Variants in GRM5 observed in about 807,000 individuals in gnomAD.
GRM5 encodes the protein glutamate metabotropic receptor 5, also known as metabotropic glutamate receptor 5.
Under a neutral mutation model 83.1 loss-of-function variants are expected in GRM5, and 19 were observed. The observed-to-expected ratio is 0.23, with a 90% CI of 0.16 to 0.34. GRM5 has a LOEUF of 0.34. Among genes scored for constraint, GRM5 ranks in the 10% least tolerant of loss-of-function variants. The pLI, the probability that GRM5 is intolerant of heterozygous loss-of-function variation, is 1.00. For synonymous variants in GRM5, 675 were observed against 633.6 expected, an observed-to-expected ratio of 1.07 and a Z score of -0.98; for missense variants, 1,160 against 1,588.3, an observed-to-expected ratio of 0.73 and a Z score of 4.58.
chr11:88,600,940 G>A (rs1371834064), intron 5 of GRM5, among the ~76,000 whole-genome samples: 2 of 152,198 alleles, frequency 1.3e-5, no homozygotes, highest in Non-Finnish European at 2.9e-5. Context: ...AATGATCTGT[G>A]CCTTTGGGGT....
At chr11:88,736,532 A>G (rs1272057804) in intron 3 of GRM5, among the ~76,000 whole-genome samples, 1 of 152,012 alleles carries the variant, frequency 6.6e-6, no homozygotes, top group Non-Finnish European at 1.5e-5. Context: ...TTCTCAACCA[A>G]CAAATGTCTC....
intron 3 of GRM5, among the ~76,000 whole-genome samples, chr11:88,737,010 G>T (rs1941928201): frequency 6.6e-6 from 1 of 152,024 alleles, no homozygotes; most frequent in South Asian, 2.1e-4. Flanking sequence ...AAACCAGTAA[G>T]TTATCTAAAC....
At chr11:88,603,866 G>A (rs1188263059) in intron 5 of GRM5, among the ~76,000 whole-genome samples, 4 of 152,186 alleles carry the variant, frequency 2.6e-5, no homozygotes, top group African/African-American at 4.8e-5. Context: ...AGAGTGTATA[G>A]ACAGTTTTCC....
At chr11:88,528,902 AG>A (rs1418657494) in intron 8 of GRM5, among the ~76,000 whole-genome samples, 1 of 152,090 alleles carries the variant, frequency 6.6e-6, no homozygotes, top group Non-Finnish European at 1.5e-5. Flanking sequence ...GTTTATGAGC[AG>A]GGAGCCCAAG....
At chr11:88,842,924 T>C (rs1236194966) in intron 3 of GRM5, among the ~76,000 whole-genome samples, 1 of 152,238 alleles carries the variant, frequency 6.6e-6, no homozygotes, top group Non-Finnish European at 1.5e-5. Context: ...GAACTCATGA[T>C]CTGCTCTTTA....
intron 3 of GRM5, among the ~76,000 whole-genome samples, chr11:88,715,664 A>T (rs1208467931): frequency 6.6e-6 from 1 of 152,040 alleles, no homozygotes; most frequent in African/African-American, 2.4e-5. Context: ...CTGACGGTGT[A>T]CTGTGATTTC....
At chr11:88,829,063 A>C (rs1943941927) in intron 3 of GRM5, among the ~76,000 whole-genome samples, 1 of 152,096 alleles carries the variant, frequency 6.6e-6, no homozygotes, top group South Asian at 2.1e-4. Context: ...ATTCTTAAAG[A>C]CCAACAATAT....
Position 88,508,972 on chromosome 11 carries a change from G to T in GRM5, c.3259C>A (p.Pro1087Thr). The change falls in exon 10 of 10, where the codon CCC (proline) becomes ACC (threonine). Residue 1087 changes from proline to threonine, a missense_variant. By Grantham distance (38) the Pro-to-Thr change is conservative (BLOSUM62 -1). Around this residue, in one of 9 missense-constraint regions of GRM5, gnomAD observed 562 missense variants for 532.4 expected, o/e 1.06. Coordinates refer to ENST00000305447, the MANE Select transcript of GRM5 (RefSeq NM_001143831.3). The surrounding 1 kb of genome is among the most constrained non-coding windows in gnomAD (Gnocchi z 4.2). ...GAGCAGAGCGGGGCGCCGACGCCGGGGCTGGGGGCCGCGGTGGACAGCATC... is the reference window on the plus strand; with the variant it reads ...GAGCAGAGCGGGGCGCCGACGCCGGTGCTGGGGGCCGCGGTGGACAGCATC... ...SMMLSTAAPSPGVGAPLCSSY... is the reference protein window; with the variant it reads ...SMMLSTAAPSTGVGAPLCSSY... 6.3e-7 allele frequency: 1 copy of T among 1,587,478 alleles called. No homozygotes were observed. Among genetic ancestry groups the T allele is most frequent in the Non-Finnish European group, 8.6e-7 (1 of 1,166,856 alleles).
At chr11:88,850,595 A>G (rs1416146118) in intron 2 of GRM5, among the ~76,000 whole-genome samples, 5 of 150,558 alleles carry the variant, frequency 3.3e-5, no homozygotes, top group Non-Finnish European at 5.9e-5. Context: ...TTTATATAGT[A>G]TAGATGTTGC....
rs74622962 is a variant in GRM5 at position 88,995,171 on chromosome 11, T to C, written c.661+52041A>G. 2.7e-4 allele frequency among the ~76,000 whole-genome samples: 41 copies of C among 152,234 alleles called. 1 individual carries two copies. The East Asian group carries it at 7.1e-3, about 27-fold the overall frequency. ...AGGAGAGAATAGGAGACAGTTATTATAGCATCCACATGTAACAAGATATGA... is the reference window on the plus strand; with the variant it reads ...AGGAGAGAATAGGAGACAGTTATTACAGCATCCACATGTAACAAGATATGA... On this transcript the variant is annotated intron_variant, in intron 2 of 9. Transcript: ENST00000305447.
chr11:88,850,955 C>A (rs188134597), intron 2 of GRM5, among the ~76,000 whole-genome samples: 2 of 152,168 alleles, frequency 1.3e-5, no homozygotes, highest in Admixed American at 1.3e-4. Flanking sequence ...TTAGCACTCA[C>A]AATAAAATAT....
Position 89,031,534 on chromosome 11 carries a change from C to T in GRM5, c.661+15678G>A, listed in dbSNP as rs1941263345. ...ATTATAATGCCACGAATAACAATGT[C>T]CATAAAAAGTATGAATAACAAGAGA... On this transcript the variant is annotated intron_variant, in intron 2 of 9. Coordinates refer to ENST00000305447, the MANE Select transcript of GRM5 (RefSeq NM_001143831.3). 2.6e-5 allele frequency among the ~76,000 whole-genome samples: 4 copies of T among 151,610 alleles called. No individual in the cohort carries two copies. In the South Asian group the frequency reaches 8.3e-4, roughly 31 times the overall value.
chr11:88,772,294 A>G (rs575002942), intron 3 of GRM5, among the ~76,000 whole-genome samples: 2 of 152,280 alleles, frequency 1.3e-5, no homozygotes, highest in Admixed American at 1.3e-4. Flanking sequence ...TGACCCTCAA[A>G]TACACATGAA....
intron 2 of GRM5, among the ~76,000 whole-genome samples, chr11:88,861,786 A>T (rs1944567744): frequency 2.0e-5 from 3 of 152,076 alleles, no homozygotes; most frequent in Admixed American, 2.0e-4. Flanking sequence ...CCTGGCCCAC[A>T]GTTCTAAACA....
intron 2 of GRM5, among the ~76,000 whole-genome samples, chr11:89,009,882 C>T (rs1298679901): frequency 9.5e-6 from 1 of 105,194 alleles, no homozygotes; most frequent in Non-Finnish European, 1.7e-5. Flanking sequence ...GCCTGGGCGA[C>T]AGAGCGAGAC....
At chr11:88,846,532 T>C (rs1405629317) in intron 3 of GRM5, among the ~76,000 whole-genome samples, 2 of 152,188 alleles carry the variant, frequency 1.3e-5, no homozygotes, top group Non-Finnish European at 2.9e-5. Flanking sequence ...ATGGATGAGG[T>C]TGTCTCAGCA....
At chr11:88,926,635 A>G (rs1313621059) in intron 2 of GRM5, among the ~76,000 whole-genome samples, 2 of 152,148 alleles carry the variant, frequency 1.3e-5, no homozygotes, top group African/African-American at 2.4e-5. Context: ...CTACAAATCT[A>G]TATTAATTTT....
At chr11:88,518,010 T>C (rs1941569876) in intron 9 of GRM5, among the ~76,000 whole-genome samples, 1 of 152,008 alleles carries the variant, frequency 6.6e-6, no homozygotes, top group Non-Finnish European at 1.5e-5. Flanking sequence ...TCCTCCTTTT[T>C]TTCAGTAAAA....
chr11:88,762,330 A>G (rs1459769153), intron 3 of GRM5, among the ~76,000 whole-genome samples: 1 of 152,128 alleles, frequency 6.6e-6, no homozygotes. Flanking sequence ...AGGAACTTAA[A>G]TCTACAAGTA....
Sources: allele counts gnomAD v4.1 joint callset (sites outside exome capture counted in the v4.1 genomes callset), GRCh38; gene constraint gnomAD v4.1.1; regional missense constraint gnomAD v4.1.1; non-coding constraint Gnocchi (gnomAD v3.1); transcripts MANE v1.5; gene names NCBI Gene and HGNC (gene_info 2026-07-23, HGNC 2026-07-21).